Variants in SGK1 observed in about 807,000 individuals in gnomAD.
SGK1 encodes the protein serum/glucocorticoid regulated kinase 1.
Under a neutral mutation model 64.2 loss-of-function variants are expected in SGK1, and 26 were observed. That is an observed-to-expected ratio of 0.40 (90% CI 0.30 to 0.56). SGK1 has a LOEUF of 0.56. Among genes scored for constraint, SGK1 ranks in the 20% least tolerant of loss-of-function variants. The pLI is 0.38. For synonymous variants in SGK1, 265 were observed against 239.7 expected, an observed-to-expected ratio of 1.11 and a Z score of -0.98; for missense variants, 519 against 645.6, an observed-to-expected ratio of 0.80 and a Z score of 2.12.
Position 134,317,462 on chromosome 6 carries a change from T to A in SGK1, c.-2A>T. ...TCCATTCATGTCTTTGTTTACCATT[T>A]TCCACCGTGGGGAATTCACAGTTAT... On this transcript the variant is annotated 5_prime_UTR_variant, in exon 1 of 14. Transcript: ENST00000367858. 3 of 1,603,524 alleles carry A rather than the reference T, an allele frequency of 1.9e-6. No homozygotes were observed. Among genetic ancestry groups the A allele is most frequent in the Non-Finnish European group, 2.6e-6 (3 of 1,170,300 alleles).
chr6:134,185,254 C>T (rs562298496), intron 3 of SGK1, among the ~76,000 whole-genome samples: 105 of 152,332 alleles, frequency 6.9e-4, no homozygotes, highest in Non-Finnish European at 1.2e-3. Flanking sequence ...TTCTTTCTGT[C>T]TTGCAGCCAT....
chr6:134,186,469 A>G (rs1224755454), intron 3 of SGK1, among the ~76,000 whole-genome samples: 1 of 152,256 alleles, frequency 6.6e-6, no homozygotes, highest in Non-Finnish European at 1.5e-5. Flanking sequence ...AGATATTAAT[A>G]TATGTACATA....
intron 1 of SGK1, among the ~76,000 whole-genome samples, chr6:134,299,820 C>T (rs539698059): frequency 3.4e-4 from 39 of 113,080 alleles, no homozygotes; most frequent in Non-Finnish European, 3.8e-4. Flanking sequence ...TTTTTTTTTG[C>T]CCTGAGTTTG....
chr6:134,255,282 AC>A (rs1220155510), intron 2 of SGK1, among the ~76,000 whole-genome samples: 1 of 152,038 alleles, frequency 6.6e-6, no homozygotes, highest in Admixed American at 6.6e-5. Flanking sequence ...CCATTTTTTC[AC>A]CATTTCCAAC....
chr6:134,244,451 A>G (rs1331803466), intron 2 of SGK1, among the ~76,000 whole-genome samples: 1 of 152,158 alleles, frequency 6.6e-6, no homozygotes, highest in East Asian at 1.9e-4. Flanking sequence ...GTGTCTTTAT[A>G]GTAGAATGAT....
chr6:134,204,600 CTGGA>C (rs1214203453), intron 3 of SGK1, among the ~76,000 whole-genome samples: 18 of 145,732 alleles, frequency 1.2e-4, no homozygotes, highest in African/African-American at 4.6e-4. Flanking sequence ...TTTGCCCAGG[CTGGA>C]ATGCAATGGC....
intron 1 of SGK1, among the ~76,000 whole-genome samples, chr6:134,296,182 C>T (rs920621683): frequency 2.0e-5 from 3 of 152,164 alleles, no homozygotes; most frequent in African/African-American, 7.2e-5. Flanking sequence ...TCCTCACTGG[C>T]AAAGCAAGGC....
rs1311608231 is a variant in SGK1, at chr6:134,192,173, C to T, written c.361+15183G>A. ...AGAGATGGGGTTTTGCCATGTTGGCCGGGCTGGTCTCCAACTCCTGACCTC... is the reference window on the plus strand; with the variant it reads ...AGAGATGGGGTTTTGCCATGTTGGCTGGGCTGGTCTCCAACTCCTGACCTC... On this transcript the variant is annotated intron_variant, in intron 3 of 13. Coordinates refer to ENST00000367858, the MANE Select transcript of SGK1 (RefSeq NM_001143676.3). Among the ~76,000 whole-genome samples the T allele has an allele frequency of 2.6e-5, 4 of 151,956 alleles. No individual in the cohort carries two copies. The East Asian group carries it at 5.8e-4, about 22-fold the overall frequency.
At chr6:134,206,409 A>C in intron 3 of SGK1, among the ~76,000 whole-genome samples, 1 of 89,100 alleles carries the variant, frequency 1.1e-5, no homozygotes, top group Non-Finnish European at 2.4e-5. Context: ...TTTTTTTTTA[A>C]ATGACAGGCA....
intron 2 of SGK1, among the ~76,000 whole-genome samples, chr6:134,240,854 G>A (rs926101535): frequency 3.9e-5 from 6 of 152,054 alleles, no homozygotes; most frequent in Non-Finnish European, 8.8e-5. Flanking sequence ...AGGAAGGGTG[G>A]GTGTGGTTGA....
At chr6:134,234,647 C>A (rs1033098750) in intron 2 of SGK1, among the ~76,000 whole-genome samples, 13 of 151,940 alleles carry the variant, frequency 8.6e-5, no homozygotes, top group African/African-American at 2.9e-4. Context: ...GAGGCCGGGG[C>A]GGGTGGATCA....
intron 2 of SGK1, among the ~76,000 whole-genome samples, chr6:134,257,909 A>G (rs1311079915): frequency 3.9e-5 from 6 of 152,220 alleles, no homozygotes; most frequent in Non-Finnish European, 5.9e-5. Flanking sequence ...GGACAAATGA[A>G]TTAATGATTT....
chr6:134,194,198 AACG>A (rs1405446573), intron 3 of SGK1, among the ~76,000 whole-genome samples: 2 of 151,850 alleles, frequency 1.3e-5, no homozygotes, highest in Non-Finnish European at 2.9e-5. Context: ...TCAATGTTAT[AACG>A]ACATGCTATA....
At chr6:134,299,295 G>C (rs1777410827) in intron 1 of SGK1, among the ~76,000 whole-genome samples, 1 of 152,028 alleles carries the variant, frequency 6.6e-6, no homozygotes, top group Admixed American at 6.6e-5. Flanking sequence ...AGCCAGTGAG[G>C]TCGAGGATGC....
intron 3 of SGK1, among the ~76,000 whole-genome samples, chr6:134,197,957 A>G (rs1488604540): frequency 6.6e-6 from 1 of 152,102 alleles, no homozygotes; most frequent in Admixed American, 6.5e-5. Flanking sequence ...GTCAGTTAAC[A>G]GGGGGACCAA....
chr6:134,209,129 A>G (rs1271053839), intron 2 of SGK1, among the ~76,000 whole-genome samples: 1 of 152,058 alleles, frequency 6.6e-6, no homozygotes, highest in African/African-American at 2.4e-5. Flanking sequence ...CTACTGTGAT[A>G]TTAGCTTTCA....
chr6:134,256,344 A>G (rs1776683749), intron 2 of SGK1, among the ~76,000 whole-genome samples: 2 of 152,080 alleles, frequency 1.3e-5, no homozygotes, highest in South Asian at 4.1e-4. Flanking sequence ...CTTCTAGCAC[A>G]ATTATAAGCT....
At chr6:134,204,255 A>ATT (rs1433726973) in intron 3 of SGK1, among the ~76,000 whole-genome samples, 7 of 151,138 alleles carry the variant, frequency 4.6e-5, no homozygotes, top group African/African-American at 1.7e-4. Flanking sequence ...TAAATAAATA[A>ATT]ATAAATAAAT....
chr6:134,272,633 C>T lies in SGK1; in HGVS notation c.70-10485G>A, dbSNP rs1486332001. Among the ~76,000 whole-genome samples the T allele has an allele frequency of 2.7e-5, 4 of 147,824 alleles. 1 individual carries two copies. The highest frequency in any genetic ancestry group is 2.1e-4 in the Admixed American group (3 of 14,452). ...TTCCCGCAGCCACCTTTCACCACCA[C>T]CCAACTCTTCTCTCTTAGCCGAGCT... On this transcript the variant is annotated intron_variant, in intron 1 of 13. Transcript: ENST00000367858.
Sources: allele counts gnomAD v4.1 joint callset (sites outside exome capture counted in the v4.1 genomes callset), GRCh38; gene constraint gnomAD v4.1.1; transcripts MANE v1.5; gene names NCBI Gene and HGNC (gene_info 2026-07-23, HGNC 2026-07-21).